The following ABI3BP variants were observed in gnomAD, a reference collection of about 807,000 sequenced individuals.
The protein encoded by ABI3BP is ABI family member 3 binding protein, also known as target of Nesh-SH3.
A neutral mutation model predicts 268.6 loss-of-function variants in ABI3BP; 216 were observed. The ratio of observed to expected loss-of-function variants is 0.80; its 90% CI spans 0.72 to 0.90. ABI3BP has a LOEUF of 0.90. Among genes scored for constraint, ABI3BP ranks in the 40% least tolerant of loss-of-function variants. The pLI, the probability that ABI3BP is intolerant of heterozygous loss-of-function variation, is 0.00. For synonymous variants in ABI3BP, 730 were observed against 730.0 expected, an observed-to-expected ratio of 1.00 and a Z score of 0.00; for missense variants, 2,090 against 2,182.4, an observed-to-expected ratio of 0.96 and a Z score of 0.84.
chr3:100,877,048 C>T (rs182014162), intron 6 of ABI3BP, among the ~76,000 whole-genome samples: 77 of 152,246 alleles, frequency 5.1e-4, no homozygotes. Flanking sequence ...ATTGGATTCA[C>T]TTGGTTTCCC....
intron 34 of ABI3BP, 72 bp downstream of exon 34, chr3:100,828,321 G>A (rs890625682): frequency 8.1e-6 from 11 of 1,355,466 alleles, no homozygotes; most frequent in Non-Finnish European, 1.0e-5. Context: ...GTAATTGAAT[G>A]GCAATATACA....
Position 100,851,877 on chromosome 3 carries a change from G to C in ABI3BP, c.1349C>G (p.Thr450Arg). The change falls in exon 15 of 68, where the codon ACA (threonine) becomes AGA (arginine). Residue 450 changes from threonine (T) to arginine (R), a missense_variant and splice_region_variant. Physicochemically the swap from Thr to Arg is moderately conservative, Grantham distance 71. Coordinates refer to ENST00000471714, the MANE Select transcript of ABI3BP (RefSeq NM_001375547.2). ...CAGAATTGAGAGGCCAGATATACCT[G>C]TGTAGGAATCTGATATCTCAGGCTC... ...SDEPEISDSY[T>R]ATSDRILDSI... 6.3e-7 allele frequency: 1 copy of C among 1,592,218 alleles called. No individual in the cohort carries two copies. The highest frequency in any genetic ancestry group is 8.5e-7 in the Non-Finnish European group (1 of 1,169,686).
intron 61 of ABI3BP, 99 bp from the exon 62 acceptor site, chr3:100,771,051 T>G (rs1261458748): frequency 9.2e-7 from 1 of 1,090,938 alleles, no homozygotes; most frequent in South Asian, 2.5e-5. Context: ...TGGTCTCATA[T>G]TATAAGCGGA....
At chr3:100,821,462 T>G (rs2098221292) in intron 38 of ABI3BP, among the ~76,000 whole-genome samples, 1 of 152,102 alleles carries the variant, frequency 6.6e-6, no homozygotes, top group Non-Finnish European at 1.5e-5. Context: ...CATGCCTTCA[T>G]GTGGAAAGAA....
At chr3:100,799,592 T>C (rs910614827) in intron 51 of ABI3BP, among the ~76,000 whole-genome samples, 1 of 152,130 alleles carries the variant, frequency 6.6e-6, no homozygotes, top group African/African-American at 2.4e-5. Context: ...CTCCATCTCA[T>C]TGCCACTGCA....
intron 2 of ABI3BP, among the ~76,000 whole-genome samples, chr3:100,921,581 C>T (rs914046059): frequency 3.3e-5 from 5 of 151,724 alleles, no homozygotes; most frequent in South Asian, 2.1e-4. Context: ...ATCACGTCAT[C>T]GCAGGGCTCT....
rs750891366 is a variant in ABI3BP at position 100,866,911 on chromosome 3, T to G, written c.956A>C (p.Glu319Ala). The G allele has an allele frequency of 6.2e-7, 1 of 1,613,938 alleles. No homozygotes were observed. ...GGGTCGTGCTGAGATTTTTTCAACC[T>G]CTGGTGTTTTAGATTCGGCAGGTAA... The part of the protein sequence containing the change: ...LALPAESKTP[E>A]VEKISARPTT... Residue 319 changes from glutamate to alanine, a missense_variant, in exon 10 of 68, where the codon GAG becomes GCG. Transcript: ENST00000471714.
chr3:100,887,846 T>A (rs2042695001), intron 4 of ABI3BP, among the ~76,000 whole-genome samples: 1 of 152,002 alleles, frequency 6.6e-6, no homozygotes, highest in Non-Finnish European at 1.5e-5. Flanking sequence ...TATCTAGAGA[T>A]GAGTATCAAA....
chr3:100,896,070 A>C (rs2047517580), intron 4 of ABI3BP, among the ~76,000 whole-genome samples: 2 of 152,330 alleles, frequency 1.3e-5, no homozygotes, highest in East Asian at 1.9e-4. Flanking sequence ...CTCATGTCCT[A>C]ATGGTTCCCT....
At position 100,808,163 on chromosome 3, in the gene ABI3BP, G is replaced by A; in HGVS notation, c.3680C>T (p.Pro1227Leu). ...SPRPRIPQTQ[P>L]VPKVPQRVTA... Reference sequence around the variant, plus strand: ...TAAAATGTAAAATATATATTTACCTGGTTGTGTTTGTGGGATTCTTGGGCG... The same window carrying A: ...TAAAATGTAAAATATATATTTACCTAGTTGTGTTTGTGGGATTCTTGGGCG... Residue 1227 changes from proline to leucine, a missense_variant and splice_region_variant, in exon 50 of 68, where the codon CCA (proline) becomes CTA (leucine). Coordinates refer to ENST00000471714, the MANE Select transcript of ABI3BP (RefSeq NM_001375547.2). The A allele has an allele frequency of 6.2e-7, 1 of 1,610,606 alleles. No individual in the cohort carries two copies. Among genetic ancestry groups the A allele is most frequent in the Admixed American group, 1.7e-5 (1 of 59,744 alleles).
At chr3:100,867,030 T>C in intron 9 of ABI3BP, 74 bp from the exon 10 acceptor site, 1 of 1,130,074 alleles carries the variant, frequency 8.8e-7, no homozygotes, top group Non-Finnish European at 1.3e-6. Flanking sequence ...CATAATCAAG[T>C]AGCAGACTAA....
chr3:100,881,072 C>G (rs192593365), intron 6 of ABI3BP, among the ~76,000 whole-genome samples: 175 of 152,312 alleles, frequency 1.1e-3, no homozygotes, highest in Non-Finnish European at 2.2e-3. Flanking sequence ...AACATACTGA[C>G]TCAATCTAAC....
intron 1 of ABI3BP, among the ~76,000 whole-genome samples, chr3:100,929,450 A>C (rs2062919686): frequency 6.6e-6 from 1 of 152,060 alleles, no homozygotes; most frequent in African/African-American, 2.4e-5. Context: ...ATAACTATTC[A>C]AATGAATTGG....
In ABI3BP at chr3:100,842,038, G is replaced by A. The variant is rs1340905003; in HGVS notation, c.1725C>T (p.Ala575=). The A allele has an allele frequency of 6.5e-7, 1 of 1,534,448 alleles. No homozygotes were observed. The highest frequency in any genetic ancestry group is 2.0e-5 in the Admixed American group (1 of 50,970). Residue 575 remains alanine (A), a splice_region_variant and synonymous_variant, in exon 21 of 68, where the codon GCC becomes GCT. Coordinates refer to ENST00000471714, the MANE Select transcript of ABI3BP (RefSeq NM_001375547.2). The part of the protein sequence containing the change: ...LSPEVTHTKP[A]PEPQTLLPSQ... The stretch of plus-strand genomic sequence containing the variant: ...ATGGCAGTAGAGTCTGAGGTTCTGG[G>A]GCTGTAATAAAAGCAAGTAATATCA...
At chr3:100,818,625 T>C in intron 40 of ABI3BP, 44 bp from the exon 41 acceptor site, 1 of 1,423,736 alleles carries the variant, frequency 7.0e-7, no homozygotes, top group South Asian at 1.2e-5. Flanking sequence ...GCCAGTAAAT[T>C]ATATCTTTCC....
At chr3:100,901,015 T>A (rs2050046360) in intron 3 of ABI3BP, among the ~76,000 whole-genome samples, 1 of 152,226 alleles carries the variant, frequency 6.6e-6, no homozygotes, top group Non-Finnish European at 1.5e-5. Context: ...GAAAACAGAT[T>A]CCATGGAATC....
chr3:100,905,429 C>T (rs189565301), intron 2 of ABI3BP, among the ~76,000 whole-genome samples: 3 of 151,968 alleles, frequency 2.0e-5, no homozygotes, highest in East Asian at 1.9e-4. Context: ...AAAAGAAATA[C>T]GAATGACCAA....
chr3:100,926,609 G>A (rs2061875014), intron 1 of ABI3BP, 128 bp from the exon 2 acceptor site: 1 of 828,946 alleles, frequency 1.2e-6, no homozygotes, highest in Non-Finnish European at 1.9e-6. Flanking sequence ...TTGCTACTCA[G>A]TATTACAGCA....
At chr3:100,986,689 A>G (rs1440918048) in intron 1 of ABI3BP, among the ~76,000 whole-genome samples, 3 of 151,754 alleles carry the variant, frequency 2.0e-5, no homozygotes, top group African/African-American at 7.3e-5. Context: ...CTGGTCTTGA[A>G]CTCTTGACCT....
Sources: allele counts gnomAD v4.1 joint callset (sites outside exome capture counted in the v4.1 genomes callset), GRCh38; gene constraint gnomAD v4.1.1; transcripts MANE v1.5; gene names NCBI Gene and HGNC (gene_info 2026-07-23, HGNC 2026-07-21).